Variants in DNAH11 observed in about 807,000 individuals in gnomAD.
The protein encoded by DNAH11 is dynein axonemal heavy chain 11.
DNAH11 carries 442 observed loss-of-function variants against 526.0 expected under a neutral mutation model. The observed-to-expected ratio is 0.84, with a 90% CI of 0.78 to 0.91. DNAH11 has a LOEUF of 0.91. Ranked by LOEUF, DNAH11 falls within the 40% of genes least tolerant of loss-of-function variation. DNAH11 has a pLI of 0.00. For missense variants in DNAH11, 6,989 were observed against 5,448.7 expected (o/e 1.28, Z -8.90); for synonymous variants, 2,461 against 1,935.9 (o/e 1.27, Z -7.12).
chr7:21,772,155 A>T (rs2127978060), intron 55 of DNAH11, among the ~76,000 whole-genome samples: 1 of 152,304 alleles, frequency 6.6e-6, no homozygotes, highest in East Asian at 1.9e-4. Context: ...CATTTTGTTA[A>T]GCCTGATAAC....
rs780637544 is a variant in DNAH11, at chr7:21,600,947, G to C, written c.3255+17G>C. ...AAAGAACAGGCAAGGAAAACCCTTA[G>C]CATTTAATGTAGTGAAATGGCTTTT... On this transcript the variant is annotated intron_variant, in intron 16 of 81. Transcript: ENST00000409508. The C allele has an allele frequency of 1.9e-6, 3 of 1,612,578 alleles. No individual in the cohort carries two copies. The highest frequency in any genetic ancestry group is 2.5e-6 in the Non-Finnish European group (3 of 1,179,546).
intron 61 of DNAH11, among the ~76,000 whole-genome samples, chr7:21,800,413 C>G (rs1427272464): frequency 1.3e-5 from 2 of 152,178 alleles, no homozygotes; most frequent in Non-Finnish European, 2.9e-5. Context: ...GGGTGGATCA[C>G]TTGAGACCAG....
intron 25 of DNAH11, among the ~76,000 whole-genome samples, chr7:21,626,211 A>G (rs915565811): frequency 2.6e-5 from 4 of 152,132 alleles, no homozygotes; most frequent in African/African-American, 9.7e-5. Context: ...GGAATACGTG[A>G]TATTTGTCTT....
intron 8 of DNAH11, among the ~76,000 whole-genome samples, chr7:21,580,699 T>C (rs1784275969): frequency 6.6e-6 from 1 of 152,202 alleles, no homozygotes; most frequent in South Asian, 2.1e-4. Context: ...AGGCCTCTTT[T>C]ATATGGGCAC....
chr7:21,824,853 C>G (rs556443677), intron 65 of DNAH11, among the ~76,000 whole-genome samples: 5 of 152,254 alleles, frequency 3.3e-5, no homozygotes, highest in Non-Finnish European at 7.4e-5. Flanking sequence ...CCTTCTGGCT[C>G]TAGTTCTTGC....
chr7:21,767,804 C>T (rs1325762151), intron 55 of DNAH11, among the ~76,000 whole-genome samples: 2 of 152,082 alleles, frequency 1.3e-5, no homozygotes, highest in African/African-American at 4.8e-5. Context: ...TTTGAATGAG[C>T]ACTAATTTGA....
chr7:21,691,107 G>T (rs1304268945), intron 35 of DNAH11, among the ~76,000 whole-genome samples: 3 of 150,946 alleles, frequency 2.0e-5, no homozygotes, highest in Non-Finnish European at 4.4e-5. Flanking sequence ...TGGTATATTT[G>T]CATATTTACT....
intron 61 of DNAH11, among the ~76,000 whole-genome samples, chr7:21,789,579 G>T (rs569672097): frequency 1.3e-5 from 2 of 152,242 alleles, no homozygotes; most frequent in East Asian, 3.9e-4. Context: ...AACATTTGCA[G>T]TCTGATAGTG....
chr7:21,837,695 A>G (rs1782046103), intron 65 of DNAH11, among the ~76,000 whole-genome samples: 2 of 152,150 alleles, frequency 1.3e-5, no homozygotes, highest in Non-Finnish European at 2.9e-5. Context: ...TACATACTAT[A>G]TTACCATTTG....
chr7:21,866,760 A>C, intron 71 of DNAH11, 97 bp downstream of exon 71: 1 of 1,280,444 alleles, frequency 7.8e-7, no homozygotes, highest in Non-Finnish European at 1.1e-6. Flanking sequence ...TTTACCATCC[A>C]TTTTGATGGG....
intron 81 of DNAH11, 193 bp from the exon 82 acceptor site, chr7:21,900,814 G>T: frequency 2.6e-6 from 2 of 778,214 alleles, no homozygotes; most frequent in Non-Finnish European, 3.8e-6. Flanking sequence ...TGGAAGCAAA[G>T]CGGTGCCTCC....
rs3827657 is a variant in DNAH11, at chr7:21,601,600, G to A, written c.3630G>A (p.Gln1210=). 1,281,578 of 1,583,142 alleles carry A rather than the reference G, an allele frequency of 0.81. 521,196 individuals are homozygous for A. Among genetic ancestry groups the A allele is most frequent in the Non-Finnish European group, 0.83 (968,169 of 1,159,772 alleles). Residue 1210 remains glutamine (Q), a synonymous_variant, in exon 18 of 82, where the codon CAG becomes CAA. Transcript: ENST00000409508. ...LESYGQKMPE[Q]VYIQLEELPE... The stretch of plus-strand genomic sequence containing the variant: ...GCTATGGCCAGAAGATGCCTGAGCA[G>A]GTCTATATTCAGCTAGAGGTAAGTG...
At chr7:21,686,273 A>G (rs1783371265) in intron 32 of DNAH11, among the ~76,000 whole-genome samples, 2 of 152,206 alleles carry the variant, frequency 1.3e-5, no homozygotes, top group Admixed American at 1.3e-4. Flanking sequence ...CTTATTTAAG[A>G]TTAGCATCTG....
Position 21,579,513 on chromosome 7 carries a change from C to A in DNAH11, c.1594-2392C>A, listed in dbSNP as rs762030618. On this transcript the variant is annotated intron_variant, in intron 8 of 81. Transcript: ENST00000409508. ...AGAGGAGGTGAAATGTAAACTGAGA[C>A]CTGTAACATAAATAGAAATGAAGCA... is the stretch of plus-strand genomic sequence containing the variant. Among the ~76,000 whole-genome samples, 7 of 151,976 alleles carry A rather than the reference C, an allele frequency of 4.6e-5. No homozygotes were observed. In the East Asian group the frequency reaches 1.4e-3, roughly 29 times the overall value.
At chr7:21,600,544 A>G in intron 15 of DNAH11, 132 bp from the exon 16 acceptor site, 1 of 1,123,392 alleles carries the variant, frequency 8.9e-7, no homozygotes, top group East Asian at 2.6e-5. Flanking sequence ...GAGAAGTTGG[A>G]AAAAGCAACA....
At chr7:21,806,608 T>TG (rs1375533802) in intron 62 of DNAH11, among the ~76,000 whole-genome samples, 4 of 152,232 alleles carry the variant, frequency 2.6e-5, no homozygotes, top group African/African-American at 7.2e-5. Flanking sequence ...TTGTTTTCTG[T>TG]GGTCAATCTA....
intron 79 of DNAH11, 108 bp from the exon 80 acceptor site, chr7:21,899,228 A>G: frequency 1.2e-6 from 1 of 822,812 alleles, no homozygotes; most frequent in South Asian, 1.4e-5. Context: ...TAGCAGTGGT[A>G]TACTTCTCCT....
intron 21 of DNAH11, 117 bp downstream of exon 21, chr7:21,615,389 A>G: frequency 8.7e-7 from 1 of 1,153,852 alleles, no homozygotes; most frequent in Non-Finnish European, 1.2e-6. Context: ...TGTGGAAATT[A>G]GATCCTCACC....
chr7:21,859,989 C>G (rs1782996240), intron 68 of DNAH11, among the ~76,000 whole-genome samples: 1 of 152,036 alleles, frequency 6.6e-6, no homozygotes, highest in South Asian at 2.1e-4. Flanking sequence ...CTGGGCAACA[C>G]AGAGAAACCC....
Sources: gnomAD v4.1 joint callset for allele counts (sites outside exome capture counted in the v4.1 genomes callset) on GRCh38, gnomAD v4.1.1 for gene constraint, MANE v1.5 for transcripts, NCBI Gene and HGNC (gene_info 2026-07-23, HGNC 2026-07-21) for gene names.